Variants in RCL1 observed in about 807,000 individuals in gnomAD.
The protein encoded by RCL1 is RNA 3'-terminal phosphate cyclase-like protein.
Under a neutral mutation model 42.4 loss-of-function variants are expected in RCL1, and 24 were observed. The observed-to-expected ratio is 0.57, with a 90% CI of 0.41 to 0.80. RCL1 has a LOEUF of 0.80. Among genes scored for constraint, RCL1 ranks in the 30% least tolerant of loss-of-function variants. The pLI, the probability that RCL1 is intolerant of heterozygous loss-of-function variation, is 0.00. For missense variants in RCL1, 578 were observed against 467.9 expected (o/e 1.24, Z -2.17); for synonymous variants, 228 against 177.3 (o/e 1.29, Z -2.27).
intron 8 of RCL1, among the ~76,000 whole-genome samples, chr9:4,854,010 A>G (rs1817847709): frequency 6.6e-6 from 1 of 152,200 alleles, no homozygotes; most frequent in Non-Finnish European, 1.5e-5. Flanking sequence ...GCCTCACTGC[A>G]TTCCATGAGC....
chr9:4,847,866 C>T (rs934627857), intron 7 of RCL1, among the ~76,000 whole-genome samples: 11 of 152,210 alleles, frequency 7.2e-5, no homozygotes, highest in African/African-American at 2.4e-4. Context: ...CCCCATCATT[C>T]TGTTCTTCCT....
In RCL1 at chr9:4,849,325, T is replaced by G. The variant is rs1817632490; in HGVS notation, c.868-122T>G. 3 of 697,344 alleles carry G rather than the reference T, an allele frequency of 4.3e-6. No individual in the cohort carries two copies. In the South Asian group the frequency reaches 5.3e-5, roughly 12 times the overall value. 43.2% of individuals were successfully genotyped at this position (697,344 alleles called of 1,614,324 possible). ...ACTCTTATAAGACCTGTATTCTGTT[T>G]TATTGTTGCTTGAACTTTGGATTTT... On this transcript the variant is annotated intron_variant, in intron 7 of 8. Transcript: ENST00000381750.
intron 1 of RCL1, among the ~76,000 whole-genome samples, chr9:4,815,394 T>G (rs1007430090): frequency 6.6e-5 from 10 of 152,156 alleles, no homozygotes; most frequent in Non-Finnish European, 1.3e-4. Flanking sequence ...TGTCTGCTAT[T>G]TTAGTTCTAT....
intron 8 of RCL1, among the ~76,000 whole-genome samples, chr9:4,858,290 A>G (rs989856372): frequency 2.6e-5 from 4 of 152,062 alleles, no homozygotes; most frequent in Admixed American, 6.5e-5. Flanking sequence ...CTTTTCTCCA[A>G]TCCTGTAGGT....
intron 5 of RCL1, among the ~76,000 whole-genome samples, chr9:4,836,239 C>T (rs767567481): frequency 5.9e-5 from 9 of 152,038 alleles, no homozygotes; most frequent in East Asian, 1.9e-4. Flanking sequence ...GAGTAGAGAA[C>T]GTGGGAGGAC....
chr9:4,850,143 T>C (rs560376422), intron 8 of RCL1, among the ~76,000 whole-genome samples: 34 of 152,342 alleles, frequency 2.2e-4, no homozygotes, highest in Admixed American at 1.8e-3. Context: ...GCATTTCCTA[T>C]TGATAGTAAA....
chr9:4,802,894 T>C (rs1026316382), intron 1 of RCL1, among the ~76,000 whole-genome samples: 9 of 152,168 alleles, frequency 5.9e-5, no homozygotes, highest in Non-Finnish European at 1.2e-4. Context: ...GACCTTAGCC[T>C]ACTGCAACCT....
At position 4,841,300 on chromosome 9, in the gene RCL1, AGTTCATACCT is replaced by A; in HGVS notation, c.655_664del (p.Phe219IlefsTer9). ...GATTCTGCAAGGAGCATCCTCAACA[AGTTCATACCT>A]GATATCTATATTTACACAGATCACA... On this transcript the variant is annotated frameshift_variant, in exon 6 of 9. Transcript: ENST00000381750. LOFTEE classifies it high-confidence loss of function. 6.2e-7 allele frequency: 1 copy of A among 1,613,066 alleles called. No individual in the cohort carries two copies. Among genetic ancestry groups the A allele is most frequent in the East Asian group, 2.2e-5 (1 of 44,876 alleles).
intron 6 of RCL1, among the ~76,000 whole-genome samples, chr9:4,842,551 T>A (rs1817368563): frequency 6.6e-6 from 1 of 152,214 alleles, no homozygotes; most frequent in Non-Finnish European, 1.5e-5. Flanking sequence ...CCTAAACCTT[T>A]GGTTTATATT....
At chr9:4,860,053 C>G (rs971143667) in intron 8 of RCL1, 72 bp from the exon 9 acceptor site, 1 of 1,086,796 alleles carries the variant, frequency 9.2e-7, no homozygotes, top group Non-Finnish European at 1.3e-6. Flanking sequence ...ACCTTGGATT[C>G]TAGGTGGTAG....
chr9:4,832,718 G>C (rs1454632768), intron 3 of RCL1, among the ~76,000 whole-genome samples: 1 of 140,362 alleles, frequency 7.1e-6, no homozygotes, highest in Non-Finnish European at 1.5e-5. Flanking sequence ...TGAGGCAGGA[G>C]AATCGCTTGA....
intron 8 of RCL1, among the ~76,000 whole-genome samples, chr9:4,857,019 G>A (rs1817984155): frequency 6.6e-6 from 1 of 152,234 alleles, no homozygotes; most frequent in Non-Finnish European, 1.5e-5. Flanking sequence ...ACACCGAGTA[G>A]GGGTGAGAAC....
At chr9:4,806,687 T>G (rs144416804) in intron 1 of RCL1, among the ~76,000 whole-genome samples, 39 of 152,054 alleles carry the variant, frequency 2.6e-4, no homozygotes, top group African/African-American at 7.7e-4. Flanking sequence ...TGTTAAGGAC[T>G]TTTGTTTGTA....
chr9:4,805,345 T>A (rs1052613989), intron 1 of RCL1, among the ~76,000 whole-genome samples: 1 of 152,114 alleles, frequency 6.6e-6, no homozygotes, highest in African/African-American at 2.4e-5. Flanking sequence ...GCCGTGATCA[T>A]GCTTCTGCAT....
intron 1 of RCL1, among the ~76,000 whole-genome samples, chr9:4,796,740 G>A (rs948825899): frequency 2.6e-5 from 4 of 152,098 alleles, no homozygotes; most frequent in African/African-American, 4.8e-5. Context: ...ATTCCATAGT[G>A]TATATATACC....
In RCL1 at chr9:4,805,019, G is replaced by A. The variant is rs543653487; in HGVS notation, c.136+11792G>A. On this transcript the variant is annotated intron_variant, in intron 1 of 8. Transcript: ENST00000381750. ...AACATGGAGAGAGACTGGAACAGTG[G>A]GTCACTGACAGCCATGTCAGACTTG... is the stretch of plus-strand genomic sequence containing the variant. The A allele has an allele frequency of 6.8e-4, 104 of 152,404 alleles. 2 individuals are homozygous for A. The South Asian group carries it at 0.02, about 30-fold the overall frequency. The allele number at this position is 152,404 out of a possible 1,614,324, so 9.4% of individuals were successfully genotyped here.
At chr9:4,818,100 T>C (rs943044110) in intron 1 of RCL1, among the ~76,000 whole-genome samples, 2 of 151,902 alleles carry the variant, frequency 1.3e-5, no homozygotes, top group African/African-American at 4.8e-5. Flanking sequence ...TTTGTATTTT[T>C]AGTAGAGACA....
intron 3 of RCL1, among the ~76,000 whole-genome samples, chr9:4,829,905 C>T (rs911173386): frequency 2.6e-5 from 4 of 152,208 alleles, no homozygotes; most frequent in African/African-American, 9.7e-5. Flanking sequence ...ACACAGGTCA[C>T]AGCTGACCTC....
intron 7 of RCL1, 88 bp from the exon 8 acceptor site, chr9:4,849,359 G>T: frequency 1.1e-6 from 1 of 890,812 alleles, no homozygotes; most frequent in South Asian, 1.5e-5. Context: ...TTGATATTAT[G>T]AGTGTATGTT....
Sources: gnomAD v4.1 joint callset for allele counts (sites outside exome capture counted in the v4.1 genomes callset) on GRCh38, gnomAD v4.1.1 for gene constraint, MANE v1.5 for transcripts, NCBI Gene and HGNC (gene_info 2026-07-23, HGNC 2026-07-21) for gene names.